The following RGS7 variants were observed in gnomAD, a reference collection of about 807,000 sequenced individuals.
The protein encoded by RGS7 is regulator of G-protein signaling 7.
RGS7 carries 27 observed loss-of-function variants against 81.1 expected under a neutral mutation model. The ratio of observed to expected loss-of-function variants is 0.33; its 90% CI spans 0.25 to 0.46. The LOEUF (loss-of-function observed/expected upper bound fraction) is 0.46, where lower values mean the gene tolerates loss of function less well. Among genes scored for constraint, RGS7 ranks in the 20% least tolerant of loss-of-function variants. The pLI, the probability that RGS7 is intolerant of heterozygous loss-of-function variation, is 1.00. For missense variants in RGS7, 396 were observed against 607.4 expected (o/e 0.65, Z 3.66); for synonymous variants, 208 against 207.7 (o/e 1.00, Z -0.01).
intron 2 of RGS7, among the ~76,000 whole-genome samples, chr1:241,277,212 T>C (rs1162299310): frequency 2.0e-5 from 3 of 152,238 alleles, no homozygotes; most frequent in Non-Finnish European, 4.4e-5. Context: ...GGGCTCATCT[T>C]TTTCGTCTTG....
rs35557904 is a variant in RGS7 at position 240,775,804 on chromosome 1, G to A, written c.*416C>T. ...TTGATATATACTTTTTTCTTTTACA[G>A]TTCTTCCAGTTTTTGACTGACTGAA... On this transcript the variant is annotated 3_prime_UTR_variant, in exon 19 of 19. Coordinates refer to ENST00000440928, the MANE Select transcript of RGS7 (RefSeq NM_001364886.1). 38,680 of 257,988 alleles carry A rather than the reference G, an allele frequency of 0.15. 3,922 individuals carry two copies. Among genetic ancestry groups the A allele is most frequent in the African/African-American group, 0.33 (15,068 of 45,566 alleles). The allele number at this position is 257,988 out of a possible 1,614,324, so 16.0% of individuals were successfully genotyped here.
At chr1:241,307,185 C>T (rs182023179) in intron 2 of RGS7, among the ~76,000 whole-genome samples, 1 of 152,182 alleles carries the variant, frequency 6.6e-6, no homozygotes, top group African/African-American at 2.4e-5. Context: ...GAGTCATTTA[C>T]AGAGAGGATC....
At chr1:241,179,329 C>A (rs1301548364) in intron 2 of RGS7, among the ~76,000 whole-genome samples, 1 of 152,140 alleles carries the variant, frequency 6.6e-6, no homozygotes, top group Admixed American at 6.5e-5. Context: ...GAACTCCTGA[C>A]CTCAAGTGAT....
intron 3 of RGS7, among the ~76,000 whole-genome samples, chr1:240,997,399 A>G (rs1687454973): frequency 6.6e-6 from 1 of 152,230 alleles, no homozygotes; most frequent in African/African-American, 2.4e-5. Context: ...AAAGTGAAGT[A>G]TGGAACCCTA....
intron 4 of RGS7, among the ~76,000 whole-genome samples, chr1:240,944,212 A>G (rs1394917397): frequency 6.7e-6 from 1 of 148,676 alleles, no homozygotes; most frequent in Non-Finnish European, 1.5e-5. Context: ...CCAGATTTAG[A>G]TAGGTAGTTC....
intron 3 of RGS7, among the ~76,000 whole-genome samples, chr1:240,995,358 T>C (rs181879613): frequency 1.1e-3 from 164 of 152,348 alleles, no homozygotes; most frequent in African/African-American, 3.7e-3. Flanking sequence ...ATAAAATGAA[T>C]TGAGAGATAT....
chr1:241,126,558 T>C (rs2103018902), intron 2 of RGS7, among the ~76,000 whole-genome samples: 1 of 152,336 alleles, frequency 6.6e-6, no homozygotes, highest in East Asian at 1.9e-4. Flanking sequence ...GTTACTGACC[T>C]TGGGAAAGTT....
chr1:241,327,913 T>C (rs1311233026), intron 2 of RGS7, among the ~76,000 whole-genome samples: 2 of 152,212 alleles, frequency 1.3e-5, no homozygotes, highest in African/African-American at 2.4e-5. Flanking sequence ...AGCTACCACA[T>C]TCTAGTACAG....
At chr1:241,034,378 C>T (rs528012389) in intron 3 of RGS7, among the ~76,000 whole-genome samples, 3 of 152,128 alleles carry the variant, frequency 2.0e-5, no homozygotes, top group South Asian at 2.1e-4. Context: ...TTACTGTTGC[C>T]GGAGTAACTA....
intron 2 of RGS7, among the ~76,000 whole-genome samples, chr1:241,166,163 T>C (rs1328577549): frequency 6.6e-6 from 1 of 152,164 alleles, no homozygotes; most frequent in Non-Finnish European, 1.5e-5. Context: ...GAAAAGCATC[T>C]CTTAATAGAT....
At chr1:240,936,763 T>C in intron 4 of RGS7, 57 bp from the exon 5 acceptor site, 4 of 1,312,634 alleles carry the variant, frequency 3.0e-6, no homozygotes, top group South Asian at 2.4e-5. Context: ...TATTCTTTTA[T>C]AGGAATGTAA....
At chr1:240,877,571 C>T (rs935483366) in intron 6 of RGS7, among the ~76,000 whole-genome samples, 1 of 152,006 alleles carries the variant, frequency 6.6e-6, no homozygotes, top group East Asian at 1.9e-4. Flanking sequence ...TCAATAAGTG[C>T]TGGTCTATAA....
chr1:241,241,715 G>A (rs1212825909), intron 2 of RGS7, among the ~76,000 whole-genome samples: 1 of 152,092 alleles, frequency 6.6e-6, no homozygotes, highest in Non-Finnish European at 1.5e-5. Flanking sequence ...TGCTACCAAT[G>A]ACTCAGATAG....
At chr1:240,896,319 T>G (rs1178100921) in intron 6 of RGS7, among the ~76,000 whole-genome samples, 1 of 152,246 alleles carries the variant, frequency 6.6e-6, no homozygotes, top group Non-Finnish European at 1.5e-5. Context: ...TGTCTTTTGT[T>G]GCCATTGCTT....
chr1:240,775,050 A>T (rs1437196720), downstream of RGS7, among the ~76,000 whole-genome samples: 2 of 152,142 alleles, frequency 1.3e-5, no homozygotes, highest in Non-Finnish European at 2.9e-5. Context: ...GGAACCAATT[A>T]TTTCCCAGGG....
intron 3 of RGS7, among the ~76,000 whole-genome samples, chr1:241,086,806 A>G (rs1204361718): frequency 6.6e-6 from 1 of 152,012 alleles, no homozygotes; most frequent in African/African-American, 2.4e-5. Context: ...TCCTGTGCAA[A>G]GGTCACGCGA....
intron 9 of RGS7, among the ~76,000 whole-genome samples, chr1:240,860,562 T>G (rs773358072): frequency 6.6e-6 from 1 of 152,154 alleles, no homozygotes; most frequent in East Asian, 1.9e-4. Flanking sequence ...TAACTTCATA[T>G]TTTAATGGAT....
chr1:241,027,881 T>A (rs975089834), intron 3 of RGS7, among the ~76,000 whole-genome samples: 1 of 152,186 alleles, frequency 6.6e-6, no homozygotes, highest in African/African-American at 2.4e-5. Context: ...GTAACTAGCA[T>A]CTAGATGGCA....
At chr1:241,196,087 AAAAG>A (rs1210053998) in intron 2 of RGS7, among the ~76,000 whole-genome samples, 1 of 151,592 alleles carries the variant, frequency 6.6e-6, no homozygotes, top group African/African-American at 2.4e-5. Context: ...AAATCTTAAA[AAAAG>A]AAAGAGATAG....
Sources: allele counts gnomAD v4.1 joint callset (sites outside exome capture counted in the v4.1 genomes callset), GRCh38; gene constraint gnomAD v4.1.1; transcripts MANE v1.5; gene names NCBI Gene and HGNC (gene_info 2026-07-23, HGNC 2026-07-21).